The following RARB variants were observed in gnomAD, a reference collection of about 807,000 sequenced individuals.
The protein encoded by RARB is HBV-activated protein.
Under a neutral mutation model 51.9 loss-of-function variants are expected in RARB, and 17 were observed. The observed-to-expected ratio is 0.33, with a 90% confidence interval of 0.22 to 0.49. The LOEUF (loss-of-function observed/expected upper bound fraction) is 0.49. Ranked by LOEUF, RARB falls within the 20% of genes least tolerant of loss-of-function variation. RARB has a pLI of 0.99. For missense variants in RARB, 369 were observed against 550.8 expected (o/e 0.67, Z 3.30); for synonymous variants, 215 against 195.4 (o/e 1.10, Z -0.84).
rs75264925 is a variant in RARB at position 25,589,599 on chromosome 3, A to C, written c.787-3904A>C. Among the ~76,000 whole-genome samples the C allele has an allele frequency of 5.9e-3, 896 of 152,336 alleles. 15 individuals are homozygous for C. The highest frequency in any genetic ancestry group is 0.021 in the African/African-American group (858 of 41,582). On this transcript the variant is annotated intron_variant, in intron 5 of 7. Transcript: ENST00000330688. ...TCTGCCTCTGGGGTCCCACATCATCAGATTCTTCCAGGGTTCCATTAACAA... is the reference window on the plus strand; with the variant it reads ...TCTGCCTCTGGGGTCCCACATCATCCGATTCTTCCAGGGTTCCATTAACAA...
intron 3 of RARB, among the ~76,000 whole-genome samples, chr3:25,091,189 T>A (rs574462807): frequency 6.6e-6 from 1 of 152,214 alleles, no homozygotes; most frequent in South Asian, 2.1e-4. Context: ...AATAAAGAGA[T>A]CTGTACAAGT....
chr3:25,371,104 G>A (rs984632916), intron 5 of RARB, among the ~76,000 whole-genome samples: 2 of 152,184 alleles, frequency 1.3e-5, no homozygotes, highest in South Asian at 4.1e-4. Context: ...ACATCTGCAA[G>A]GACCCTTGAA....
At chr3:25,333,547 A>C (rs1704969051) in intron 5 of RARB, among the ~76,000 whole-genome samples, 2 of 152,196 alleles carry the variant, frequency 1.3e-5, no homozygotes, top group African/African-American at 4.8e-5. Flanking sequence ...TAAAGACTTA[A>C]ATGTTAGACC....
At chr3:25,024,729 G>C (rs1056966551) in intron 2 of RARB, among the ~76,000 whole-genome samples, 2 of 152,048 alleles carry the variant, frequency 1.3e-5, no homozygotes, top group Non-Finnish European at 2.9e-5. Context: ...AGACGGGCCA[G>C]ATCACTTGAG....
chr3:24,982,307 A>G (rs1696695041), intron 2 of RARB, among the ~76,000 whole-genome samples: 1 of 152,226 alleles, frequency 6.6e-6, no homozygotes, highest in Admixed American at 6.5e-5. Flanking sequence ...TGCTCCTTCC[A>G]GCCTAATCTT....
At chr3:25,078,326 AT>A (rs1161262592) in intron 3 of RARB, among the ~76,000 whole-genome samples, 2 of 152,128 alleles carry the variant, frequency 1.3e-5, no homozygotes, top group African/African-American at 4.8e-5. Context: ...TAAGTTCGTT[AT>A]TAATACTCAG....
chr3:25,538,927 C>T (rs1022301051), intron 3 of RARB, among the ~76,000 whole-genome samples: 4 of 152,176 alleles, frequency 2.6e-5, no homozygotes, highest in Non-Finnish European at 5.9e-5. Context: ...TACCCACAGC[C>T]AGCATTTTCC....
At chr3:25,283,393 G>T (rs1575282003) in intron 5 of RARB, among the ~76,000 whole-genome samples, 1 of 152,142 alleles carries the variant, frequency 6.6e-6, no homozygotes, top group Non-Finnish European at 1.5e-5. Flanking sequence ...AGTCCACTTA[G>T]GTTGCAGAAC....
chr3:25,151,525 G>A lies in RARB; in HGVS notation c.-280+19317G>A, dbSNP rs145925591. On this transcript the variant is annotated intron_variant, in intron 4 of 11. Transcript: ENST00000383772. Reference sequence around the variant, plus strand: ...TGCCTTCGTCTCTTTGATGCATAAGGGTACACTAAGTTGAATCTATAAACA... The same window carrying A: ...TGCCTTCGTCTCTTTGATGCATAAGAGTACACTAAGTTGAATCTATAAACA... Among the ~76,000 whole-genome samples, 12 of 152,196 alleles carry A rather than the reference G, an allele frequency of 7.9e-5. 1 individual carries two copies. In the East Asian group the frequency reaches 2.3e-3, roughly 29 times the overall value.
At chr3:25,275,703 C>T (rs926260821) in intron 5 of RARB, among the ~76,000 whole-genome samples, 2 of 150,850 alleles carry the variant, frequency 1.3e-5, no homozygotes, top group Non-Finnish European at 2.9e-5. Context: ...ACATCATTGC[C>T]CTTAATAAAG....
At chr3:25,261,993 T>G (rs1703009514) in intron 5 of RARB, among the ~76,000 whole-genome samples, 1 of 152,132 alleles carries the variant, frequency 6.6e-6, no homozygotes, top group Non-Finnish European at 1.5e-5. Context: ...CAATGATGTT[T>G]TCAAAACATA....
chr3:25,029,011 G>T (rs1012899866), intron 2 of RARB, among the ~76,000 whole-genome samples: 1 of 152,194 alleles, frequency 6.6e-6, no homozygotes, highest in African/African-American at 2.4e-5. Context: ...CTGTGCTAGG[G>T]ATGGGAGTAT....
chr3:25,107,806 A>AT (rs768759267), intron 3 of RARB, among the ~76,000 whole-genome samples: 43 of 152,168 alleles, frequency 2.8e-4, no homozygotes, highest in Non-Finnish European at 4.0e-4. Flanking sequence ...ACTAACATAA[A>AT]TTTTTTCTCA....
intron 5 of RARB, among the ~76,000 whole-genome samples, chr3:25,193,521 C>T (rs1198567022): frequency 2.0e-5 from 3 of 151,988 alleles, no homozygotes; most frequent in African/African-American, 7.2e-5. Flanking sequence ...TCAATTAGCT[C>T]AACTGTAATT....
At chr3:25,584,272 C>T (rs566853876) in intron 5 of RARB, among the ~76,000 whole-genome samples, 1 of 152,238 alleles carries the variant, frequency 6.6e-6, no homozygotes. Flanking sequence ...AAAACCCCAG[C>T]CCTCATGGAG....
At chr3:25,275,199 C>T (rs1265222204) in intron 5 of RARB, among the ~76,000 whole-genome samples, 1 of 152,164 alleles carries the variant, frequency 6.6e-6, no homozygotes, top group Non-Finnish European at 1.5e-5. Flanking sequence ...CGGTGGCTCA[C>T]GCCTTTAATC....
chr3:25,063,708 CT>C lies in RARB; in HGVS notation c.-328+3549del, dbSNP rs749930990. ...GGTCCGTAGACCTTGTAGTTTGAGA[CT>C]TTTTTTTTTTTTTTTTAAAAAGATG... On this transcript the variant is annotated intron_variant, in intron 3 of 11. Transcript: ENST00000383772. Among the ~76,000 whole-genome samples, 131 of 138,338 alleles carry C rather than the reference CT, an allele frequency of 9.5e-4. 1 individual carries two copies. The highest frequency in any genetic ancestry group is 3.8e-3 in the Middle Eastern group (1 of 260). The allele number at this position is 138,338 out of a possible 152,430, so 90.8% of individuals were successfully genotyped here.
chr3:25,312,761 GAT>G (rs1310374478), intron 5 of RARB, among the ~76,000 whole-genome samples: 1 of 152,138 alleles, frequency 6.6e-6, no homozygotes, highest in East Asian at 1.9e-4. Flanking sequence ...AATCTGCATA[GAT>G]GGCCCCACTG....
chr3:24,962,788 A>T (rs1324732506), intron 2 of RARB, among the ~76,000 whole-genome samples: 2 of 152,212 alleles, frequency 1.3e-5, no homozygotes, highest in African/African-American at 4.8e-5. Flanking sequence ...GGGGGTTGCT[A>T]CACTAAATGA....
Sources: gnomAD v4.1 joint callset for allele counts (sites outside exome capture counted in the v4.1 genomes callset) on GRCh38, gnomAD v4.1.1 for gene constraint, MANE v1.5 for transcripts, NCBI Gene and HGNC (gene_info 2026-07-23, HGNC 2026-07-21) for gene names.